The following ATAD5 variants were observed in gnomAD, a reference collection of about 807,000 sequenced individuals.
The protein encoded by ATAD5 is ATPase family AAA domain containing 5.
ATAD5 carries 58 observed loss-of-function variants against 176.9 expected under a neutral mutation model. That is an observed-to-expected ratio of 0.33 (90% CI 0.27 to 0.41). The LOEUF (loss-of-function observed/expected upper bound fraction) is 0.41, where lower values mean the gene tolerates loss of function less well. ATAD5 is among the 10% of genes least tolerant of loss of function. ATAD5 has a pLI of 1.00. For missense variants in ATAD5, 1,789 were observed against 2,094.1 expected (o/e 0.85, Z 2.84); for synonymous variants, 640 against 712.6 (o/e 0.90, Z 1.62).
At chr17:30,874,449 G>A (rs1908531558) in intron 14 of ATAD5, among the ~76,000 whole-genome samples, 1 of 144,520 alleles carries the variant, frequency 6.9e-6, no homozygotes, top group Non-Finnish European at 1.5e-5. Context: ...GCTGAGGCAG[G>A]AGAATTACTT....
At chr17:30,894,501 T>A in intron 21 of ATAD5, 63 bp from the exon 22 acceptor site, 1 of 1,498,142 alleles carries the variant, frequency 6.7e-7, no homozygotes, top group Non-Finnish European at 9.0e-7. Flanking sequence ...AAACTGGTTG[T>A]GATTGGGATT....
intron 6 of ATAD5, 101 bp from the exon 7 acceptor site, chr17:30,855,042 A>C (rs1907209636): frequency 9.1e-7 from 1 of 1,100,386 alleles, no homozygotes; most frequent in South Asian, 1.7e-5. Context: ...TACAGGCATG[A>C]GCCACCATGC....
chr17:30,866,105 C>G (rs115909730), intron 11 of ATAD5, among the ~76,000 whole-genome samples: 4,022 of 150,796 alleles, frequency 0.027, 196 homozygotes, highest in African/African-American at 0.092. Flanking sequence ...TTCTCACATC[C>G]AAAAAATTCT....
intron 4 of ATAD5, among the ~76,000 whole-genome samples, chr17:30,843,344 C>T (rs187867394): frequency 6.6e-6 from 1 of 150,408 alleles, no homozygotes; most frequent in East Asian, 2.0e-4. Flanking sequence ...AGAGTGAGAC[C>T]CTGTCACAAT....
intron 15 of ATAD5, 128 bp downstream of exon 15, chr17:30,876,678 G>T: frequency 5.5e-5 from 14 of 254,774 alleles, no homozygotes; most frequent in East Asian, 8.5e-5. Flanking sequence ...GGTTCTACAT[G>T]TAGAAGTGTT....
In ATAD5 at chr17:30,834,523, A is replaced by G; in HGVS notation, c.442A>G (p.Asn148Asp). 1 of 1,589,158 alleles carries G rather than the reference A, an allele frequency of 6.3e-7. No individual in the cohort carries two copies. Among genetic ancestry groups the G allele is most frequent in the Non-Finnish European group, 8.5e-7 (1 of 1,173,476 alleles). Residue 148 changes from asparagine to aspartate, a missense_variant, in exon 2 of 23, where the codon AAT (asparagine) becomes GAT (aspartate). Physicochemically the swap from Asn to Asp is conservative, Grantham distance 23. This residue lies in a region of ATAD5 where 696 missense variants were observed against 712.5 expected (regional missense o/e 0.98). Transcript: ENST00000321990. ...CGATAGCAAAGAAGACTATAGTTTAAATAATGATTTTGTGGAAAGTAGTAC... is the reference window on the plus strand; with the variant it reads ...CGATAGCAAAGAAGACTATAGTTTAGATAATGATTTTGTGGAAAGTAGTAC... ...SDDSKEDYSL[N>D]NDFVESSTSV...
At chr17:30,892,573 AT>A (rs1909696223) in intron 19 of ATAD5, 33 bp from the exon 20 acceptor site, 1 of 1,456,970 alleles carries the variant, frequency 6.9e-7, no homozygotes, top group African/African-American at 1.4e-5. Flanking sequence ...TGTTTAATAC[AT>A]ATATAGAGCT....
chr17:30,855,517 A>G (rs1002823480), intron 7 of ATAD5, among the ~76,000 whole-genome samples, 190 bp downstream of exon 7: 4 of 151,856 alleles, frequency 2.6e-5, no homozygotes, highest in South Asian at 2.1e-4. Context: ...GGATACTAGC[A>G]CTCATGGATG....
At chr17:30,833,479 A>G (rs1905505070) in intron 1 of ATAD5, among the ~76,000 whole-genome samples, 1 of 152,228 alleles carries the variant, frequency 6.6e-6, no homozygotes, top group Non-Finnish European at 1.5e-5. Context: ...GAAAGAAGGT[A>G]AAAAGTAGCT....
At chr17:30,874,607 C>CTATTTATTTATTTATTTATTTATT (rs200064158) in intron 14 of ATAD5, among the ~76,000 whole-genome samples, 19 of 133,220 alleles carry the variant, frequency 1.4e-4, no homozygotes, top group African/African-American at 4.9e-4. Context: ...ATCTGTTCAA[C>CTATTTATTTATTTATTTATTTATT]TATTTATTTA....
At chr17:30,841,008 C>G (rs1012880832) in intron 4 of ATAD5, among the ~76,000 whole-genome samples, 1 of 141,194 alleles carries the variant, frequency 7.1e-6, no homozygotes, top group Non-Finnish European at 1.5e-5. Flanking sequence ...GCTGAACTAC[C>G]TCTTCCTTTT....
chr17:30,836,141 T>C, intron 2 of ATAD5, 93 bp downstream of exon 2: 8 of 1,100,112 alleles, frequency 7.3e-6, no homozygotes, highest in Non-Finnish European at 1.0e-5. Flanking sequence ...TATTTTTTTT[T>C]CTAGAACACA....
rs755663222 is a variant in ATAD5 at position 30,837,229 on chromosome 17, C to T, written c.1991C>T (p.Thr664Ile). 23 of 1,558,360 alleles carry T rather than the reference C, an allele frequency of 1.5e-5. No homozygotes were observed. The East Asian group carries it at 5.0e-4, about 34-fold the overall frequency. The change falls in exon 3 of 23, where the codon ACT becomes ATT. Residue 664 changes from threonine (T) to isoleucine (I), a missense_variant. Thr to Ile is a moderately conservative substitution (Grantham distance 89). Around this residue, in one of 6 missense-constraint regions of ATAD5, gnomAD observed 487 missense variants for 573.6 expected, o/e 0.85. Transcript: ENST00000321990. ...PIRMKFTRISTPKKSKKKSNK... is the reference protein window; with the variant it reads ...PIRMKFTRISIPKKSKKKSNK... ...AGAATGAAATTCACCAGAATTAGTA[C>T]TCCCAAAAAATCTAAGAAAAAATCT...
intron 18 of ATAD5, among the ~76,000 whole-genome samples, chr17:30,885,835 A>G (rs148379952): frequency 0.027 from 4,056 of 151,602 alleles, 167 homozygotes; most frequent in African/African-American, 0.09. Flanking sequence ...GGGTTTTGCC[A>G]TGTTGGTCAG....
chr17:30,894,681 T>C lies in ATAD5; in HGVS notation c.5415T>C (p.Cys1805=). 5.6e-6 allele frequency: 9 copies of C among 1,613,056 alleles called. No homozygotes were observed. The highest frequency in any genetic ancestry group is 7.6e-6 in the Non-Finnish European group (9 of 1,179,614). Residue 1805 remains cysteine (C), a synonymous_variant, in exon 22 of 23, where the codon TGT becomes TGC. Transcript: ENST00000321990. ...IEYLPTLRNI[C]KTEKLKEQGK... ...ACCTGCCAACCCTTCGAAACATCTG[T>C]AAGACTGAGAAGCTAAAAGAACAAG...
chr17:30,891,153 T>C (rs1909618712), intron 19 of ATAD5, among the ~76,000 whole-genome samples: 1 of 152,312 alleles, frequency 6.6e-6, no homozygotes, highest in Non-Finnish European at 1.5e-5. Flanking sequence ...TACTTTACAT[T>C]TTGATAGTTG....
In ATAD5 at chr17:30,835,007, A is replaced by G. The variant is rs1905625731; in HGVS notation, c.926A>G (p.Glu309Gly). ...IVKSGYISES[E>G]NSEISQQVRF... ...AAAAGTGGTTATATAAGTGAATCAG[A>G]AAACTCCGAAATTTCCCAGCAGGTA... Residue 309 changes from glutamate (E) to glycine (G), a missense_variant, in exon 2 of 23, where the codon GAA becomes GGA. By Grantham distance (98) the Glu-to-Gly change is moderately conservative (BLOSUM62 -2). This residue lies in a region of ATAD5 where 696 missense variants were observed against 712.5 expected (regional missense o/e 0.98). Coordinates refer to ENST00000321990, the MANE Select transcript of ATAD5 (RefSeq NM_024857.5). The G allele has an allele frequency of 6.2e-7, 1 of 1,614,042 alleles. No individual in the cohort carries two copies. The highest frequency in any genetic ancestry group is 1.3e-5 in the African/African-American group (1 of 75,064).
At chr17:30,851,780 G>A (rs1226007445) in intron 6 of ATAD5, among the ~76,000 whole-genome samples, 1 of 152,132 alleles carries the variant, frequency 6.6e-6, no homozygotes, top group African/African-American at 2.4e-5. Context: ...ACGGGGTTTT[G>A]CCGTGTTGGC....
Position 30,894,857 on chromosome 17 carries a change from A to G in ATAD5, c.5479A>G (p.Ile1827Val). 1 of 1,594,438 alleles carries G rather than the reference A, an allele frequency of 6.3e-7. No individual in the cohort carries two copies. Among genetic ancestry groups the G allele is most frequent in the Non-Finnish European group, 8.5e-7 (1 of 1,174,700 alleles). The stretch of plus-strand genomic sequence containing the variant: ...CAGATTCCTGCACTATTTTGAAGGA[A>G]TTCATCTTGACATTCCAAAAGAGAC... ...KRRFLHYFEG[I>V]HLDIPKETVN... Residue 1827 changes from isoleucine to valine, a missense_variant, in exon 23 of 23, where the codon ATT becomes GTT. Physicochemically the swap from Ile to Val is conservative, Grantham distance 29. Transcript: ENST00000321990.
Sources: gnomAD v4.1 joint callset for allele counts (sites outside exome capture counted in the v4.1 genomes callset) on GRCh38, gnomAD v4.1.1 for gene constraint, gnomAD v4.1.1 regional missense constraint, MANE v1.5 for transcripts, NCBI Gene and HGNC (gene_info 2026-07-23, HGNC 2026-07-21) for gene names.